The following DCHS1 variants were observed in gnomAD, a reference collection of about 807,000 sequenced individuals.
DCHS1 encodes the protein protocadherin-16.
DCHS1 carries 78 observed loss-of-function variants against 213.9 expected under a neutral mutation model. That is an observed-to-expected ratio of 0.36 (90% CI 0.30 to 0.44). The LOEUF (loss-of-function observed/expected upper bound fraction) is 0.44. Ranked by LOEUF, DCHS1 falls within the 20% of genes least tolerant of loss-of-function variation. The pLI, the probability that DCHS1 is intolerant of heterozygous loss-of-function variation, is 1.00. For missense variants in DCHS1, 3,946 were observed against 4,395.9 expected (o/e 0.90, Z 2.89); for synonymous variants, 1,828 against 1,873.7 (o/e 0.98, Z 0.63).
Position 6,626,843 on chromosome 11 carries a change from G to T in DCHS1, c.6196C>A (p.Pro2066Thr). The T allele has an allele frequency of 6.2e-7, 1 of 1,613,290 alleles. No individual in the cohort carries two copies. The highest frequency in any genetic ancestry group is 2.2e-5 in the East Asian group (1 of 44,878). The change falls in exon 14 of 21, where the codon CCC (proline) becomes ACC (threonine). Residue 2066 changes from proline to threonine, a missense_variant. Physicochemically the swap from Pro to Thr is conservative, Grantham distance 38. Transcript: ENST00000299441. This position sits in a 1 kb window ranked among gnomAD's most constrained non-coding sequence, Gnocchi z 5.2. The part of the protein sequence containing the change: ...VGLQGEAERG[P>T]RFPRASSEAT... ...TCACTGCTAGCCCGGGGAAAGCGGG[G>T]TCCACGCTCAGCTTCCCCCTGCAGT...
rs1855890549 is a variant in DCHS1, at chr11:6,630,610, T to C, written c.4184A>G (p.Asp1395Gly). The change falls in exon 10 of 21, where the codon GAC becomes GGC. Residue 1395 changes from aspartate to glycine, a missense_variant. Physicochemically the swap from Asp to Gly is moderately conservative, Grantham distance 94. Around this residue, in one of 3 missense-constraint regions of DCHS1, gnomAD observed 3,384 missense variants for 3,780.1 expected, o/e 0.90. Transcript: ENST00000299441. The part of the protein sequence containing the change: ...SGRLYLARPL[D>G]FEAGPPWRAL... ...GCGCCACGGCGGGCCAGCTTCGAAG[T>C]CCAGGGGCCGCGCCAGGTACAAGCG... is the stretch of plus-strand genomic sequence containing the variant. The C allele has an allele frequency of 1.9e-6, 3 of 1,542,074 alleles. No individual in the cohort carries two copies. Among genetic ancestry groups the C allele is most frequent in the Non-Finnish European group, 2.6e-6 (3 of 1,150,632 alleles).
Position 6,621,677 on chromosome 11 carries a change from C to G in DCHS1, c.*102G>C, listed in dbSNP as rs1044255646. ...AGCTGGGGCCTGGTGGTGGCCTCCC[C>G]GTAGCCAGTCATAGTCCGAGGCTGC... On this transcript the variant is annotated 3_prime_UTR_variant, in exon 21 of 21. Transcript: ENST00000299441. 7.9e-6 allele frequency: 11 copies of G among 1,392,932 alleles called. No individual in the cohort carries two copies. In the Admixed American group the frequency reaches 2.2e-4, roughly 27 times the overall value. The allele number at this position is 1,392,932 out of a possible 1,614,324, so 86.3% of individuals were successfully genotyped here. A position where few individuals can be genotyped will look rare whatever the true frequency, so the allele number is the denominator to read the frequency against.
Position 6,633,833 on chromosome 11 carries a change from A to G in DCHS1, c.2174T>C (p.Leu725Pro). 6.2e-7 allele frequency: 1 copy of G among 1,613,958 alleles called. No individual in the cohort carries two copies. Among genetic ancestry groups the G allele is most frequent in the Non-Finnish European group, 8.5e-7 (1 of 1,179,886 alleles). Residue 725 changes from leucine to proline, a missense_variant, in exon 4 of 21, where the codon CTG becomes CCG. Transcript: ENST00000299441. ...AAAAAGTGGGGGGCTGTTGCCAGCC[A>G]GGATATGGTAGGAGAGTCGCCCATG... ...GSHGRLSYHI[L>P]AGNSPPLFTL...
chr11:6,626,111 C>T lies in DCHS1; in HGVS notation c.6577-37G>A, dbSNP rs1157028766. ...AGGAGGCTGCTGGGACTGGTCTGGC[C>T]ACAGACAAGTCTGACTAGCCCTGCT... is the stretch of plus-strand genomic sequence containing the variant. On this transcript the variant is annotated intron_variant, in intron 16 of 20. Coordinates refer to ENST00000299441, the MANE Select transcript of DCHS1 (RefSeq NM_003737.4). The surrounding 1 kb of genome is among the most constrained non-coding windows in gnomAD (Gnocchi z 5.2). The T allele has an allele frequency of 6.3e-7, 1 of 1,599,442 alleles. No homozygotes were observed.
Position 6,641,523 on chromosome 11 carries a change from G to A in DCHS1, c.91C>T (p.Leu31=), listed in dbSNP as rs1856074087. Residue 31 remains leucine, a synonymous_variant, in exon 2 of 21, where the codon CTG becomes TTG. Coordinates refer to ENST00000299441, the MANE Select transcript of DCHS1 (RefSeq NM_003737.4). The surrounding 1 kb of genome is among the most constrained non-coding windows in gnomAD (Gnocchi z 7.1). ...LLLPLLLLLL[L]LLGAGVPGAW... is the part of the protein sequence containing the mutation. ...CCTGGCACCCCAGCCCCCAGCAGCA[G>A]CAGCAGCAGCAGCAGCAATGGTAGC... 1.9e-6 allele frequency: 3 copies of A among 1,551,736 alleles called. No individual in the cohort carries two copies. The African/African-American group carries it at 4.1e-5, about 21-fold the overall frequency.
chr11:6,645,396 A>T (rs1487437644), intron 1 of DCHS1, among the ~76,000 whole-genome samples: 2 of 152,142 alleles, frequency 1.3e-5, no homozygotes, highest in Non-Finnish European at 2.9e-5. Flanking sequence ...CTATTGATTT[A>T]ATCAGTTAGT....
At chr11:6,635,588 A>G (rs1231272618) in intron 2 of DCHS1, among the ~76,000 whole-genome samples, 1 of 152,168 alleles carries the variant, frequency 6.6e-6, no homozygotes. Context: ...GATCTGTGCC[A>G]TTGTTTACCC....
At position 6,626,874 on chromosome 11, in the gene DCHS1, A is replaced by T; in HGVS notation, c.6165T>A (p.Ile2055=). The T allele has an allele frequency of 1.2e-6, 2 of 1,613,528 alleles. No homozygotes were observed. Among genetic ancestry groups the T allele is most frequent in the Non-Finnish European group, 1.7e-6 (2 of 1,179,862 alleles). ...RPARSATGVI[I]VGLQGEAERG... ...GCTCAGCTTCCCCCTGCAGTCCAAC[A>T]ATGATCACACCAGTGGCAGAGCGAG... The change falls in exon 14 of 21, where the codon ATT becomes ATA. Residue 2055 remains isoleucine (I), a synonymous_variant. Transcript: ENST00000299441. The surrounding 1 kb of genome is among the most constrained non-coding windows in gnomAD (Gnocchi z 5.2).
In DCHS1 at chr11:6,624,132, T is replaced by C. The variant is rs766301480; in HGVS notation, c.7544A>G (p.His2515Arg). The C allele has an allele frequency of 4.3e-6, 7 of 1,611,706 alleles. No individual in the cohort carries two copies. The highest frequency in any genetic ancestry group is 3.3e-5 in the South Asian group (3 of 90,900). Reference sequence around the variant, plus strand: ...GATGATGCTGTAGTCCACAGCGGCATGGCTGCGGCTTCCATCAGCATCTGT... The same window carrying C: ...GATGATGCTGTAGTCCACAGCGGCACGGCTGCGGCTTCCATCAGCATCTGT... The part of the protein sequence containing the change: ...EATDADGSRS[H>R]AAVDYSIISG... The change falls in exon 21 of 21, where the codon CAT becomes CGT. Residue 2515 changes from histidine to arginine, a missense_variant. Around this residue, in one of 3 missense-constraint regions of DCHS1, gnomAD observed 3,384 missense variants for 3,780.1 expected, o/e 0.90. Coordinates refer to ENST00000299441, the MANE Select transcript of DCHS1 (RefSeq NM_003737.4).
chr11:6,630,902 C>T (rs572463923), intron 9 of DCHS1, 39 bp from the exon 10 acceptor site: 2 of 1,497,062 alleles, frequency 1.3e-6, no homozygotes, highest in Admixed American at 2.3e-5. Context: ...ATTGTGAGGG[C>T]CCGTGTAAAA....
Position 6,628,484 on chromosome 11 carries a change from A to G in DCHS1, c.5371+137T>C. Reference sequence around the variant, plus strand: ...TGAGATACCTAGCTACACTGGGTATAAGCATGAAAGAAAAGGTGGACGACA... The same window carrying G: ...TGAGATACCTAGCTACACTGGGTATGAGCATGAAAGAAAAGGTGGACGACA... On this transcript the variant is annotated intron_variant, in intron 13 of 20. Coordinates refer to ENST00000299441, the MANE Select transcript of DCHS1 (RefSeq NM_003737.4). The surrounding 1 kb of genome is among the most constrained non-coding windows in gnomAD (Gnocchi z 4.3). 1.2e-6 allele frequency: 1 copy of G among 864,952 alleles called. No individual in the cohort carries two copies. The highest frequency in any genetic ancestry group is 1.9e-6 in the Non-Finnish European group (1 of 539,578). The allele number at this position is 864,952 out of a possible 1,614,324, so 53.6% of individuals were successfully genotyped here. A position where few individuals can be genotyped will look rare whatever the true frequency, so the allele number is the denominator to read the frequency against.
chr11:6,646,314 G>T (rs1160920631), intron 1 of DCHS1, among the ~76,000 whole-genome samples: 1 of 152,136 alleles, frequency 6.6e-6, no homozygotes, highest in Non-Finnish European at 1.5e-5. Context: ...GGTCCCTGGG[G>T]CCTCTGTCTG....
chr11:6,646,122 ACACACACACCCACCCTC>A (rs959005074), intron 1 of DCHS1, among the ~76,000 whole-genome samples: 6 of 151,538 alleles, frequency 4.0e-5, no homozygotes, highest in African/African-American at 4.8e-5. Flanking sequence ...CCCCACATAC[ACACACACACCCACCCTC>A]CACACACACC....
chr11:6,630,225 G>C lies in DCHS1; in HGVS notation c.4569C>G (p.Ser1523Arg). 6.4e-7 allele frequency: 1 copy of C among 1,558,236 alleles called. No individual in the cohort carries two copies. The highest frequency in any genetic ancestry group is 1.2e-5 in the South Asian group (1 of 85,314). Residue 1523 changes from serine to arginine, a missense_variant, in exon 10 of 21, where the codon AGC (serine) becomes AGG (arginine). Physicochemically the swap from Ser to Arg is moderately radical, Grantham distance 110 (BLOSUM62 -1). Coordinates refer to ENST00000299441, the MANE Select transcript of DCHS1 (RefSeq NM_003737.4). ...VEATDRPANA[S>R]RRRAARVSAR... ...CTGAAACGCGCGCTGCACGACGGCG[G>C]CTGGCGTTGGCGGGCCGGTCGGTGG...
At position 6,641,990 on chromosome 11, in the gene DCHS1, C is replaced by A. The variant is rs988810583; in HGVS notation, c.-120-257G>T. Among the ~76,000 whole-genome samples, 1 of 152,188 alleles carries A rather than the reference C, an allele frequency of 6.6e-6. No individual in the cohort carries two copies. The highest frequency in any genetic ancestry group is 2.4e-5 in the African/African-American group (1 of 41,438). On this transcript the variant is annotated intron_variant, in intron 1 of 20. Transcript: ENST00000299441. The surrounding 1 kb of genome is among the most constrained non-coding windows in gnomAD (Gnocchi z 7.1). ...CTATTTTTTCGGGTCTGAATGCCCA[C>A]AAACTCCCTTCTTCCTATTTCTAGG...
chr11:6,622,675 G>T lies in DCHS1; in HGVS notation c.9001C>A (p.His3001Asn), dbSNP rs780578129. Residue 3001 changes from histidine to asparagine, a missense_variant, in exon 21 of 21, where the codon CAC (histidine) becomes AAC (asparagine). His to Asn is a moderately conservative substitution (Grantham distance 68). Around this residue, in one of 3 missense-constraint regions of DCHS1, gnomAD observed 554 missense variants for 590.2 expected, o/e 0.94. Transcript: ENST00000299441. The surrounding 1 kb of genome is among the most constrained non-coding windows in gnomAD (Gnocchi z 5.4). ...REPPSPPPSE[H>N]LYHQTLPSYG... Reference sequence around the variant, plus strand: ...CTGGGAAGAGTCTGGTGATAGAGGTGCTCAGAGGGTGGTGGACTAGGTGGC... The same window carrying T: ...CTGGGAAGAGTCTGGTGATAGAGGTTCTCAGAGGGTGGTGGACTAGGTGGC... 16 of 1,594,314 alleles carry T rather than the reference G, an allele frequency of 1.0e-5. No individual in the cohort carries two copies. The highest frequency in any genetic ancestry group is 1.3e-5 in the African/African-American group (1 of 74,560).
rs770619513 is a variant in DCHS1, at chr11:6,641,001, G to T, written c.613C>A (p.Pro205Thr). 1.2e-6 allele frequency: 2 copies of T among 1,613,890 alleles called. No homozygotes were observed. The highest frequency in any genetic ancestry group is 1.7e-6 in the Non-Finnish European group (2 of 1,179,904). Residue 205 changes from proline to threonine, a missense_variant, in exon 2 of 21, where the codon CCT (proline) becomes ACT (threonine). This residue lies in a region of DCHS1 where 3,384 missense variants were observed against 3,780.1 expected (regional missense o/e 0.90). Transcript: ENST00000299441. The surrounding 1 kb of genome is among the most constrained non-coding windows in gnomAD (Gnocchi z 7.1). The part of the protein sequence containing the change: ...TRPGPDGTPV[P>T]ELVVTGELDR... ...AGTTCCCCAGTAACTACCAGCTCAG[G>T]TACTGGAGTCCCATCTGGACCGGGG...
Position 6,634,028 on chromosome 11 carries a change from G to A in DCHS1, c.1987-8C>T. The A allele has an allele frequency of 6.2e-7, 1 of 1,612,912 alleles. No homozygotes were observed. The highest frequency in any genetic ancestry group is 8.5e-7 in the Non-Finnish European group (1 of 1,179,262). ...CATGGACTTGAGGCCTCCCTGGTGG[G>A]ACATGCAGCCATAGGTCAGGTGGGC... On this transcript the variant is annotated splice_polypyrimidine_tract_variant and splice_region_variant and intron_variant, in intron 3 of 20. Transcript: ENST00000299441.
intron 1 of DCHS1, among the ~76,000 whole-genome samples, chr11:6,651,955 T>A (rs958364971): frequency 2.1e-4 from 32 of 151,968 alleles, no homozygotes; most frequent in African/African-American, 7.0e-4. Context: ...TGTCTGTGAG[T>A]CATCAGCCTA....
Sources: gnomAD v4.1 joint callset for allele counts (sites outside exome capture counted in the v4.1 genomes callset) on GRCh38, gnomAD v4.1.1 for gene constraint, gnomAD v4.1.1 regional missense constraint, Gnocchi (gnomAD v3.1) non-coding constraint, MANE v1.5 for transcripts, NCBI Gene and HGNC (gene_info 2026-07-23, HGNC 2026-07-21) for gene names.